ASB8: variants seen among roughly 807,000 people sequenced by gnomAD.
The protein encoded by ASB8 is ankyrin repeat and SOCS box containing 8, also known as ankyrin repeat and SOCS box protein 8.
In ASB8, 15 loss-of-function variants were observed where a neutral mutation model predicts 22.9. That is an observed-to-expected ratio of 0.66 (90% confidence interval 0.44 to 1.01). The LOEUF (loss-of-function observed/expected upper bound fraction) is 1.01. Among genes scored for constraint, ASB8 ranks in the 50% least tolerant of loss-of-function variants. The probability of loss-of-function intolerance (pLI) is 0.00; values close to 1 mark genes in which losing one functional copy is unlikely to be tolerated. For missense variants in ASB8, 294 were observed against 356.9 expected (o/e 0.82, Z 1.42); for synonymous variants, 124 against 140.8 (o/e 0.88, Z 0.84).
chr12:48,153,309 A>T, intron 2 of ASB8, 59 bp downstream of exon 2: 1 of 1,586,444 alleles, frequency 6.3e-7, no homozygotes, highest in Non-Finnish European at 8.6e-7. Flanking sequence ...TCTGTGATCC[A>T]TGAGGATTTT....
rs776193154 is a variant in ASB8, at chr12:48,151,267, G to A, written c.168C>T (p.Pro56=). The part of the protein sequence containing the change: ...DVNCTHGTLK[P]LHCACMVSDA... ...CTGACACCATACAGGCACAGTGCAA[G>A]GGCTTCAGTGTGCCATGAGTGCAGT... The change falls in exon 3 of 4, where the codon CCC becomes CCT. Residue 56 remains proline (P), a synonymous_variant. Coordinates refer to ENST00000317697, the MANE Select transcript of ASB8 (RefSeq NM_024095.5). 1 of 1,613,962 alleles carries A rather than the reference G, an allele frequency of 6.2e-7. No individual in the cohort carries two copies. Among genetic ancestry groups the A allele is most frequent in the South Asian group, 1.1e-5 (1 of 91,082 alleles).
rs927408227 is a variant in ASB8 at position 48,153,311 on chromosome 12, G to A, written c.129+57C>T. On this transcript the variant is annotated intron_variant, in intron 2 of 3. Transcript: ENST00000317697. ...TCAAAGCTGCAAATCTGTGATCCAT[G>A]AGGATTTTGCCCACTTCATATCGCA... 9 of 1,588,090 alleles carry A rather than the reference G, an allele frequency of 5.7e-6. No individual in the cohort carries two copies. The African/African-American group carries it at 1.1e-4, about 19-fold the overall frequency.
intron 1 of ASB8, among the ~76,000 whole-genome samples, chr12:48,154,850 A>G (rs997931714): frequency 1.3e-5 from 2 of 152,286 alleles, no homozygotes; most frequent in Middle Eastern, 3.4e-3. Context: ...CTGAGGCAGG[A>G]AAATAGCTTG....
chr12:48,150,141 C>A, intron 3 of ASB8, 143 bp from the exon 4 acceptor site: 1 of 867,082 alleles, frequency 1.2e-6, no homozygotes. Flanking sequence ...CCAGGGAGTC[C>A]TGGTGATAAA....
rs1027261477 is a variant in ASB8 at position 48,147,948 on chromosome 12, A to G, written c.*1418T>C. 1 of 152,140 alleles carries G rather than the reference A, an allele frequency of 6.6e-6. No homozygotes were observed. The allele number at this position is 152,140 out of a possible 1,614,324, so 9.4% of individuals were successfully genotyped here. A position where few individuals can be genotyped will look rare whatever the true frequency, so the allele number is the denominator to read the frequency against. ...AGCTTTAAAAAAAAAAGTTTTTCAA[A>G]TTTGCATACAAGTCATCTAAAATCA... On this transcript the variant is annotated 3_prime_UTR_variant, in exon 4 of 4. Transcript: ENST00000317697.
Position 48,149,315 on chromosome 12 carries a change from G to A in ASB8, c.*51C>T. On this transcript the variant is annotated 3_prime_UTR_variant, in exon 4 of 4. Transcript: ENST00000317697. ...TTTTCTGTGACAAGGAGTACTGCAG[G>A]GACAACCTCACCCAGAGCTGCCTGC... 1 of 1,546,378 alleles carries A rather than the reference G, an allele frequency of 6.5e-7. No homozygotes were observed. The highest frequency in any genetic ancestry group is 2.3e-5 in the East Asian group (1 of 44,428).
chr12:48,154,863 C>G (rs1453449196), intron 1 of ASB8, among the ~76,000 whole-genome samples: 4 of 152,104 alleles, frequency 2.6e-5, no homozygotes, highest in Non-Finnish European at 4.4e-5. Flanking sequence ...ATAGCTTGAA[C>G]CCAGGAGGCA....
At chr12:48,156,665 G>A (rs924462518) in intron 1 of ASB8, among the ~76,000 whole-genome samples, 1 of 152,116 alleles carries the variant, frequency 6.6e-6, no homozygotes, top group Admixed American at 6.5e-5. Context: ...CCATTTCTGG[G>A]CCATGATAAT....
chr12:48,148,102 C>G lies in ASB8; in HGVS notation c.*1264G>C, dbSNP rs1592842218. 1 of 152,188 alleles carries G rather than the reference C, an allele frequency of 6.6e-6. No homozygotes were observed. Among genetic ancestry groups the G allele is most frequent in the East Asian group, 1.9e-4 (1 of 5,176 alleles). The allele number at this position is 152,188 out of a possible 1,614,324, so 9.4% of individuals were successfully genotyped here. On this transcript the variant is annotated 3_prime_UTR_variant, in exon 4 of 4. Transcript: ENST00000317697. ...CCCACTCCCATCCCAAGTCCACCCT[C>G]CCACCAATTGTATTGTATAAATCAA...
intron 2 of ASB8, among the ~76,000 whole-genome samples, chr12:48,152,385 A>C (rs1452015953): frequency 6.6e-6 from 1 of 152,228 alleles, no homozygotes; most frequent in African/African-American, 2.4e-5. Context: ...GAAGTCTTAG[A>C]ATATACACAA....
At chr12:48,152,957 T>C in intron 2 of ASB8, 1 of 165,824 alleles carries the variant, frequency 6.0e-6, no homozygotes, top group South Asian at 1.6e-4. Context: ...TAAGCCATGT[T>C]TGTGCCACTG....
chr12:48,151,935 T>C (rs1470476635), intron 2 of ASB8, among the ~76,000 whole-genome samples: 1 of 152,166 alleles, frequency 6.6e-6, no homozygotes, highest in Non-Finnish European at 1.5e-5. Flanking sequence ...GCAGATCACC[T>C]GAGGTCAGAA....
rs769630435 is a variant in ASB8 at position 48,148,100 on chromosome 12, C to T, written c.*1266G>A. 6.6e-6 allele frequency: 1 copy of T among 152,180 alleles called. No individual in the cohort carries two copies. Among genetic ancestry groups the T allele is most frequent in the Non-Finnish European group, 1.5e-5 (1 of 68,044 alleles). The allele number at this position is 152,180 out of a possible 1,614,324, so 9.4% of individuals were successfully genotyped here. On this transcript the variant is annotated 3_prime_UTR_variant, in exon 4 of 4. Transcript: ENST00000317697. ...TTCCCACTCCCATCCCAAGTCCACC[C>T]TCCCACCAATTGTATTGTATAAATC...
chr12:48,149,648 T>C lies in ASB8; in HGVS notation c.585A>G (p.Leu195=), dbSNP rs772139675. 6.2e-7 allele frequency: 1 copy of C among 1,614,152 alleles called. No individual in the cohort carries two copies. Among genetic ancestry groups the C allele is most frequent in the East Asian group, 2.2e-5 (1 of 44,880 alleles). Residue 195 remains leucine, a synonymous_variant, in exon 4 of 4, where the codon CTA becomes CTG. Transcript: ENST00000317697. ...CTTTCTCTGTTCCAAGTCCCCTGACTAGCAGAGCCACCAGGCGGGAGATGG... is the reference window on the plus strand; with the variant it reads ...CTTTCTCTGTTCCAAGTCCCCTGACCAGCAGAGCCACCAGGCGGGAGATGG... ...QTPISRLVAL[L]VRGLGTEKED... is the part of the protein sequence containing the mutation.
chr12:48,151,667 TGGAAAAGTA>T (rs1951205828), intron 2 of ASB8: 20 of 1,337,780 alleles, frequency 1.5e-5, no homozygotes, highest in South Asian at 2.5e-5. Flanking sequence ...CACCATGCTC[TGGAAAAGTA>T]GGAAAGTGAG....
At chr12:48,151,342 C>T (rs1951200510) in intron 2 of ASB8, 37 bp from the exon 3 acceptor site, 1 of 1,521,944 alleles carries the variant, frequency 6.6e-7, no homozygotes, top group East Asian at 2.3e-5. Flanking sequence ...GTGTGTTCAG[C>T]TCTGGCTTGC....
At position 48,148,398 on chromosome 12, in the gene ASB8, T is replaced by G. The variant is rs1034080269; in HGVS notation, c.*968A>C. 6.6e-6 allele frequency: 1 copy of G among 152,218 alleles called. No homozygotes were observed. 9.4% of individuals were successfully genotyped at this position (152,218 alleles called of 1,614,324 possible). On this transcript the variant is annotated 3_prime_UTR_variant, in exon 4 of 4. Transcript: ENST00000317697. Reference sequence around the variant, plus strand: ...TTTCAGAGCTATTTATTACTGTTATTACAGAGCTCTTGTTATTTCAGAGCT... The same window carrying G: ...TTTCAGAGCTATTTATTACTGTTATGACAGAGCTCTTGTTATTTCAGAGCT...
At position 48,156,585 on chromosome 12, in the gene ASB8, A is replaced by AC. The variant is rs1467411433; in HGVS notation, c.-34+873dup. ...CCAGCCTGAGCAACATGGCGAGACG[A>AC]CCCCAAAACCCAATCGTCTCTACAA... On this transcript the variant is annotated intron_variant, in intron 1 of 3. Transcript: ENST00000317697. Among the ~76,000 whole-genome samples, 4 of 152,060 alleles carry AC rather than the reference A, an allele frequency of 2.6e-5. No homozygotes were observed. The South Asian group carries it at 8.3e-4, about 31-fold the overall frequency.
intron 1 of ASB8, among the ~76,000 whole-genome samples, chr12:48,155,319 A>C (rs1223128998): frequency 2.0e-5 from 3 of 152,240 alleles, no homozygotes; most frequent in African/African-American, 7.2e-5. Context: ...GTAGGTTCTT[A>C]ACATCTGTTG....
Sources: allele counts gnomAD v4.1 joint callset (sites outside exome capture counted in the v4.1 genomes callset), GRCh38; gene constraint gnomAD v4.1.1; transcripts MANE v1.5; gene names NCBI Gene and HGNC (gene_info 2026-07-23, HGNC 2026-07-21).